AP4M1: variants seen among roughly 807,000 people sequenced by gnomAD.
AP4M1 encodes adaptor related protein complex 4 subunit mu 1, also known as AP-4 complex subunit mu-1.
A neutral mutation model predicts 62.4 loss-of-function variants in AP4M1; 58 were observed. The observed-to-expected ratio is 0.93, with a 90% CI of 0.75 to 1.16. The LOEUF is 1.16. Among genes scored for constraint, AP4M1 ranks in the 50% most tolerant of loss-of-function variants. AP4M1 has a pLI of 0.00. For synonymous variants in AP4M1, 290 were observed against 239.7 expected (o/e 1.21, Z -1.94); for missense variants, 626 against 585.4 (o/e 1.07, Z -0.72).
chr7:100,101,295 C>T (rs534812375), upstream of AP4M1: 27 of 1,613,282 alleles, frequency 1.7e-5, no homozygotes, highest in African/African-American at 3.6e-4. Flanking sequence ...TCAGTGCCAT[C>T]GCTGCCGAGG....
chr7:100,102,062 C>T (rs975592929), intron 2 of AP4M1, 94 bp downstream of exon 2: 23 of 1,384,544 alleles, frequency 1.7e-5, no homozygotes, highest in Non-Finnish European at 2.3e-5. Context: ...GTAGATTCCA[C>T]TTGGGGGGTG....
In AP4M1 at chr7:100,108,452, A is replaced by AG. The variant is rs1796799465; in HGVS notation, c.*1574dup. On this transcript the variant is annotated 3_prime_UTR_variant, in exon 15 of 15. Transcript: ENST00000359593. ...AGCCTTGACCACCTGGGAGCAGAGG[A>AG]GGGGCCCAAGGGACCCGAATTCTGC... The AG allele has an allele frequency of 6.2e-7, 1 of 1,613,854 alleles. No homozygotes were observed. The highest frequency in any genetic ancestry group is 1.3e-5 in the African/African-American group (1 of 74,916).
chr7:100,103,305 C>T, intron 4 of AP4M1, 104 bp from the exon 5 acceptor site: 1 of 1,034,544 alleles, frequency 9.7e-7, no homozygotes, highest in South Asian at 1.3e-5. Context: ...CTCGGCCTTC[C>T]AAAGCGCTGA....
rs761617892 is a variant in AP4M1, at chr7:100,108,033, C to G, written c.*1151C>G. On this transcript the variant is annotated 3_prime_UTR_variant, in exon 15 of 15. Coordinates refer to ENST00000359593, the MANE Select transcript of AP4M1 (RefSeq NM_004722.4). ...GCTCGTGCAGACACCAGTGTCTGGA[C>G]AGGAAGTGCGATGGAGCCAGGAACC... 1 of 1,613,688 alleles carries G rather than the reference C, an allele frequency of 6.2e-7. No individual in the cohort carries two copies.
chr7:100,102,007 G>A (rs1584505280), intron 2 of AP4M1, 39 bp downstream of exon 2: 4 of 1,607,718 alleles, frequency 2.5e-6, no homozygotes, highest in African/African-American at 1.3e-5. Flanking sequence ...GCGGGGTCCC[G>A]TCGGGCCGGG....
At chr7:100,103,247 T>C in intron 4 of AP4M1, 162 bp from the exon 5 acceptor site, 1 of 721,816 alleles carries the variant, frequency 1.4e-6, no homozygotes, top group Non-Finnish European at 2.5e-6. Flanking sequence ...TCTCACTGTG[T>C]TGCCCAGGCT....
rs1030149270 is a variant in AP4M1, at chr7:100,106,993, T to C, written c.*111T>C. On this transcript the variant is annotated 3_prime_UTR_variant, in exon 15 of 15. Transcript: ENST00000359593. ...GGACTCTGAATCTGGGCAGGAAGAGTCCTCAGTCCCAAGACCAGGAGGGGG... is the reference window on the plus strand; with the variant it reads ...GGACTCTGAATCTGGGCAGGAAGAGCCCTCAGTCCCAAGACCAGGAGGGGG... 2 of 1,347,340 alleles carry C rather than the reference T, an allele frequency of 1.5e-6. No individual in the cohort carries two copies. The highest frequency in any genetic ancestry group is 2.0e-6 in the Non-Finnish European group (2 of 976,038). The allele number at this position is 1,347,340 out of a possible 1,614,324, so 83.5% of individuals were successfully genotyped here.
intron 2 of AP4M1, 38 bp downstream of exon 2, chr7:100,102,006 C>G (rs769436643): frequency 9.3e-6 from 15 of 1,609,256 alleles, no homozygotes; most frequent in African/African-American, 1.3e-5. Context: ...AGCGGGGTCC[C>G]GTCGGGCCGG....
intron 2 of AP4M1, chr7:100,102,226 C>CAAAA: frequency 6.1e-6 from 3 of 492,002 alleles, no homozygotes; most frequent in Non-Finnish European, 1.1e-5. Context: ...ACTAAAAATA[C>CAAAA]AAAAAAAAAA....
chr7:100,102,829 G>A (rs772767501), intron 3 of AP4M1, 35 bp from the exon 4 acceptor site: 44 of 1,613,398 alleles, frequency 2.7e-5, no homozygotes, highest in Non-Finnish European at 3.7e-5. Flanking sequence ...GGGTCTGAGA[G>A]GAGGAGAAAA....
chr7:100,108,142 A>C lies in AP4M1; in HGVS notation c.*1260A>C, dbSNP rs1205200117. 6.3e-7 allele frequency: 1 copy of C among 1,579,306 alleles called. No individual in the cohort carries two copies. The highest frequency in any genetic ancestry group is 8.6e-7 in the Non-Finnish European group (1 of 1,167,094). The stretch of plus-strand genomic sequence containing the variant: ...GCCGGGGCTGCGGGGAGAAGAGGAA[A>C]GGGGGAAGTGGCACCATCTACTAAG... On this transcript the variant is annotated 3_prime_UTR_variant, in exon 15 of 15. Transcript: ENST00000359593.
At position 100,107,058 on chromosome 7, in the gene AP4M1, G is replaced by C; in HGVS notation, c.*176G>C. 1 of 1,183,092 alleles carries C rather than the reference G, an allele frequency of 8.5e-7. No homozygotes were observed. Among genetic ancestry groups the C allele is most frequent in the Non-Finnish European group, 1.2e-6 (1 of 833,146 alleles). 73.3% of individuals were successfully genotyped at this position (1,183,092 alleles called of 1,614,324 possible). On this transcript the variant is annotated 3_prime_UTR_variant, in exon 15 of 15. Coordinates refer to ENST00000359593, the MANE Select transcript of AP4M1 (RefSeq NM_004722.4). Reference sequence around the variant, plus strand: ...TTTCTGTGGTATCTGATGCAGGAAGGACTGCAGTGGATCAGAACTTACAAA... The same window carrying C: ...TTTCTGTGGTATCTGATGCAGGAAGCACTGCAGTGGATCAGAACTTACAAA...
upstream of AP4M1, chr7:100,100,991 C>T (rs1795985060): frequency 3.4e-6 from 3 of 885,108 alleles, no homozygotes; most frequent in Admixed American, 3.2e-5. Context: ...CCCTGTGCAG[C>T]CCCCAGCCGG....
chr7:100,100,903 T>C (rs1003121401), upstream of AP4M1: 2 of 1,055,762 alleles, frequency 1.9e-6, no homozygotes, highest in East Asian at 6.1e-5. Context: ...AACCTGGGAA[T>C]GCCCAAAAGC....
Position 100,108,733 on chromosome 7 carries a change from T to C in AP4M1, c.*1851T>C. 1.9e-6 allele frequency: 1 copy of C among 539,624 alleles called. No individual in the cohort carries two copies. Among genetic ancestry groups the C allele is most frequent in the Non-Finnish European group, 3.1e-6 (1 of 317,996 alleles). 33.4% of individuals were successfully genotyped at this position (539,624 alleles called of 1,614,324 possible). ...TGTGTACAGAACACTGTGGGCTTTCTCATAAGAAAAGATGGGCACGGGGCC... is the reference window on the plus strand; with the variant it reads ...TGTGTACAGAACACTGTGGGCTTTCCCATAAGAAAAGATGGGCACGGGGCC... On this transcript the variant is annotated 3_prime_UTR_variant, in exon 15 of 15. Transcript: ENST00000359593.
chr7:100,102,615 G>C, intron 2 of AP4M1, 60 bp from the exon 3 acceptor site: 3 of 1,481,196 alleles, frequency 2.0e-6, no homozygotes, highest in Non-Finnish European at 1.9e-6. Flanking sequence ...AGGTCTCCTG[G>C]GTTCTGATCA....
Position 100,103,423 on chromosome 7 carries a change from A to G in AP4M1, c.366A>G (p.Val122=). The change falls in exon 5 of 15, where the codon GTA becomes GTG. Residue 122 remains valine, a synonymous_variant. Coordinates refer to ENST00000359593, the MANE Select transcript of AP4M1 (RefSeq NM_004722.4). The part of the protein sequence containing the change: ...LLDEVLDYGY[V]QTTSTEMLRN... Reference sequence around the variant, plus strand: ...TTTACCACTAGGACTATGGCTATGTACAGACCACATCCACGGAGATGCTGA... The same window carrying G: ...TTTACCACTAGGACTATGGCTATGTGCAGACCACATCCACGGAGATGCTGA... 6.2e-7 allele frequency: 1 copy of G among 1,614,002 alleles called. No homozygotes were observed. Among genetic ancestry groups the G allele is most frequent in the South Asian group, 1.1e-5 (1 of 91,076 alleles).
In AP4M1 at chr7:100,101,861, G is replaced by GTGTCGC. The variant is rs775955905; in HGVS notation, c.59-19_59-18insTGTCGC. ...AGCCTGTGTCGCAGGATCCTTCACTGAGTCCTTCCACCCGCCAGTCCGCGG... is the reference window on the plus strand; with the variant it reads ...AGCCTGTGTCGCAGGATCCTTCACTGTGTCGCAGTCCTTCCACCCGCCAGTCCGCGG... On this transcript the variant is annotated intron_variant, in intron 1 of 14. Coordinates refer to ENST00000359593, the MANE Select transcript of AP4M1 (RefSeq NM_004722.4). The GTGTCGC allele has an allele frequency of 6.2e-7, 1 of 1,612,866 alleles. No homozygotes were observed. Among genetic ancestry groups the GTGTCGC allele is most frequent in the South Asian group, 1.1e-5 (1 of 91,076 alleles).
At position 100,107,108 on chromosome 7, in the gene AP4M1, G is replaced by T; in HGVS notation, c.*226G>T. ...ACCAAACTTTTATTCTGAGAAACTG[G>T]CTGTACAATATCTAAAAAGAAAGTG... On this transcript the variant is annotated 3_prime_UTR_variant, in exon 15 of 15. Coordinates refer to ENST00000359593, the MANE Select transcript of AP4M1 (RefSeq NM_004722.4). 7.5e-7 allele frequency: 1 copy of T among 1,328,224 alleles called. No homozygotes were observed. The highest frequency in any genetic ancestry group is 1.0e-6 in the Non-Finnish European group (1 of 988,430). 82.3% of individuals were successfully genotyped at this position (1,328,224 alleles called of 1,614,324 possible).
Sources: gnomAD v4.1 joint callset for allele counts on GRCh38, gnomAD v4.1.1 for gene constraint, MANE v1.5 for transcripts, NCBI Gene and HGNC (gene_info 2026-07-23, HGNC 2026-07-21) for gene names.